The following DNAJC13 variants were observed in gnomAD, a reference collection of about 807,000 sequenced individuals.
DNAJC13 encodes the protein DnaJ heat shock protein family (Hsp40) member C13.
Under a neutral mutation model 290.5 loss-of-function variants are expected in DNAJC13, and 75 were observed. That is an observed-to-expected ratio of 0.26 (90% confidence interval 0.21 to 0.31). The LOEUF (loss-of-function observed/expected upper bound fraction) is 0.31, where lower values mean the gene tolerates loss of function less well. Ranked by LOEUF, DNAJC13 falls within the 10% of genes least tolerant of loss-of-function variation. DNAJC13 has a pLI of 1.00. For missense variants in DNAJC13, 2,260 were observed against 2,674.5 expected (o/e 0.85, Z 3.42); for synonymous variants, 862 against 892.0 (o/e 0.97, Z 0.60).
At chr3:132,419,938 T>C (rs1349072298) in intron 1 of DNAJC13, among the ~76,000 whole-genome samples, 1 of 152,222 alleles carries the variant, frequency 6.6e-6, no homozygotes, top group Non-Finnish European at 1.5e-5. Flanking sequence ...TACCTCTGGC[T>C]TTGGCCCTGA....
At chr3:132,419,524 G>A (rs115451722) in intron 1 of DNAJC13, among the ~76,000 whole-genome samples, 1,778 of 152,296 alleles carry the variant, frequency 0.012, 28 homozygotes, top group African/African-American at 0.041. Context: ...TTAAAAGGTT[G>A]ATAGTGGAGT....
At chr3:132,486,293 T>C (rs1416008215) in intron 29 of DNAJC13, among the ~76,000 whole-genome samples, 1 of 151,846 alleles carries the variant, frequency 6.6e-6, no homozygotes, top group Non-Finnish European at 1.5e-5. Flanking sequence ...AAGAGAGGAA[T>C]TTTTTCTCCC....
chr3:132,492,636 G>C (rs1343873418), intron 33 of DNAJC13, 21 bp downstream of exon 33: 2 of 1,609,658 alleles, frequency 1.2e-6, no homozygotes, highest in Admixed American at 3.3e-5. Flanking sequence ...AGTTTAATTT[G>C]TGCCACCTTA....
Position 132,534,802 on chromosome 3 carries a change from T to G in DNAJC13, c.6626-3374T>G, listed in dbSNP as rs561521285. On this transcript the variant is annotated intron_variant, in intron 55 of 55. Transcript: ENST00000260818. ...AAATTAAGAGATAAATTAGGTAAATTTACTGCCAGTTGGATTGATGTGTGC... is the reference window on the plus strand; with the variant it reads ...AAATTAAGAGATAAATTAGGTAAATGTACTGCCAGTTGGATTGATGTGTGC... Among the ~76,000 whole-genome samples the G allele has an allele frequency of 3.9e-5, 6 of 152,318 alleles. No homozygotes were observed. The East Asian group carries it at 1.2e-3, about 29-fold the overall frequency.
At chr3:132,524,021 G>A (rs1376422006) in intron 51 of DNAJC13, 1 of 224,604 alleles carries the variant, frequency 4.5e-6, no homozygotes, top group Non-Finnish European at 8.7e-6. Context: ...GTAATTTTAA[G>A]GAGAAACCTG....
At chr3:132,448,170 C>G (rs1011041247) in intron 5 of DNAJC13, among the ~76,000 whole-genome samples, 1 of 152,040 alleles carries the variant, frequency 6.6e-6, no homozygotes, top group Non-Finnish European at 1.5e-5. Context: ...GGCAAAAAAA[C>G]CTTTGGAGCA....
At chr3:132,482,760 G>A (rs1053996448) in intron 27 of DNAJC13, among the ~76,000 whole-genome samples, 5 of 151,942 alleles carry the variant, frequency 3.3e-5, no homozygotes, top group African/African-American at 7.3e-5. Flanking sequence ...TTGAGAGGCT[G>A]AGGTGGGAGG....
Position 132,447,331 on chromosome 3 carries a change from G to C in DNAJC13, c.155G>C (p.Gly52Ala), listed in dbSNP as rs778749092. ...TTTTTTTTTTTTAAGTGGCCTTATGGAGACATTTGCAGCATCAGCCCTGTT... is the reference window on the plus strand; with the variant it reads ...TTTTTTTTTTTTAAGTGGCCTTATGCAGACATTTGCAGCATCAGCCCTGTT... ...TLEVTNQWPY[G>A]DICSISPVGK... Residue 52 changes from glycine (G) to alanine (A), a missense_variant, in exon 4 of 56, where the codon GGA becomes GCA. Physicochemically the swap from Gly to Ala is moderately conservative, Grantham distance 60 (BLOSUM62 0). This residue lies in a region of DNAJC13 where 762 missense variants were observed against 964.1 expected (regional missense o/e 0.79). Coordinates refer to ENST00000260818, the MANE Select transcript of DNAJC13 (RefSeq NM_015268.4). 1.3e-6 allele frequency: 2 copies of C among 1,571,036 alleles called. No homozygotes were observed. Among genetic ancestry groups the C allele is most frequent in the Non-Finnish European group, 1.7e-6 (2 of 1,165,734 alleles).
intron 40 of DNAJC13, among the ~76,000 whole-genome samples, chr3:132,502,767 C>A (rs1203355797): frequency 6.6e-6 from 1 of 152,156 alleles, no homozygotes; most frequent in East Asian, 1.9e-4. Context: ...TAACACAGGA[C>A]AATATAATGT....
chr3:132,447,337 T>C lies in DNAJC13; in HGVS notation c.161T>C (p.Ile54Thr), dbSNP rs1233093512. 6.3e-7 allele frequency: 1 copy of C among 1,580,650 alleles called. No homozygotes were observed. The highest frequency in any genetic ancestry group is 8.6e-7 in the Non-Finnish European group (1 of 1,169,132). ...EVTNQWPYGD[I>T]CSISPVGKGQ... Reference sequence around the variant, plus strand: ...TTTTTTAAGTGGCCTTATGGAGACATTTGCAGCATCAGCCCTGTTGGAAAA... The same window carrying C: ...TTTTTTAAGTGGCCTTATGGAGACACTTGCAGCATCAGCCCTGTTGGAAAA... Residue 54 changes from isoleucine to threonine, a missense_variant, in exon 4 of 56, where the codon ATT (isoleucine) becomes ACT (threonine). Ile to Thr is a moderately conservative substitution (Grantham distance 89). Transcript: ENST00000260818.
intron 22 of DNAJC13, 144 bp from the exon 23 acceptor site, chr3:132,477,645 C>T (rs1304166154): frequency 8.4e-6 from 5 of 593,876 alleles, no homozygotes; most frequent in South Asian, 6.7e-5. Context: ...CAGCATTTAG[C>T]TAAAATAGTC....
intron 31 of DNAJC13, 126 bp downstream of exon 31, chr3:132,489,147 G>A: frequency 3.0e-6 from 2 of 663,838 alleles, no homozygotes; most frequent in Non-Finnish European, 2.5e-6. Flanking sequence ...GTTTTATTCT[G>A]TTCTTACATT....
intron 2 of DNAJC13, among the ~76,000 whole-genome samples, chr3:132,440,134 G>A (rs1933008158): frequency 6.6e-6 from 1 of 152,196 alleles, no homozygotes; most frequent in Non-Finnish European, 1.5e-5. Flanking sequence ...GCGCAGGCCT[G>A]TAGTTCCAGC....
At position 132,464,169 on chromosome 3, in the gene DNAJC13, C is replaced by A. The variant is rs143055683; in HGVS notation, c.1892+352C>A. 2.0e-5 allele frequency among the ~76,000 whole-genome samples: 3 copies of A among 152,260 alleles called. No homozygotes were observed. In the East Asian group the frequency reaches 5.8e-4, roughly 29 times the overall value. ...TGTGACCATCTTGCATGCACATGAC[C>A]CCATGGGAAAACCTCACATAGTTGA... On this transcript the variant is annotated intron_variant, in intron 17 of 55. Transcript: ENST00000260818.
chr3:132,432,722 T>C (rs1243493654), intron 1 of DNAJC13, among the ~76,000 whole-genome samples: 1 of 152,216 alleles, frequency 6.6e-6, no homozygotes, highest in Non-Finnish European at 1.5e-5. Context: ...GGATTCTGGA[T>C]TTTATATACT....
chr3:132,432,165 G>A (rs1251128184), intron 1 of DNAJC13, among the ~76,000 whole-genome samples: 23 of 151,976 alleles, frequency 1.5e-4, no homozygotes, highest in Non-Finnish European at 5.9e-5. Context: ...GCACTTTGGT[G>A]TATTTTCTAC....
chr3:132,435,737 T>A (rs527977167), intron 2 of DNAJC13, among the ~76,000 whole-genome samples: 41 of 152,296 alleles, frequency 2.7e-4, no homozygotes, highest in African/African-American at 9.9e-4. Context: ...TAGAAAAGTA[T>A]ATCTTTAAAT....
In DNAJC13 at chr3:132,498,619, A is replaced by T. The variant is rs183512363; in HGVS notation, c.4157-507A>T. 3.4e-4 allele frequency among the ~76,000 whole-genome samples: 52 copies of T among 152,326 alleles called. 1 individual carries two copies. The highest frequency in any genetic ancestry group is 1.2e-3 in the African/African-American group (50 of 41,580). On this transcript the variant is annotated intron_variant, in intron 36 of 55. Transcript: ENST00000260818. ...AGAAAGGAAGGATCCAAGGGATTTTATAGTAGGTTTAATTTCTTTTTTTAT... is the reference window on the plus strand; with the variant it reads ...AGAAAGGAAGGATCCAAGGGATTTTTTAGTAGGTTTAATTTCTTTTTTTAT...
intron 2 of DNAJC13, among the ~76,000 whole-genome samples, chr3:132,444,452 G>A (rs530864729): frequency 6.6e-6 from 1 of 152,352 alleles, no homozygotes; most frequent in Non-Finnish European, 1.5e-5. Context: ...GTGTGGTGGT[G>A]AAGATTGGTG....
Sources: allele counts gnomAD v4.1 joint callset (sites outside exome capture counted in the v4.1 genomes callset), GRCh38; gene constraint gnomAD v4.1.1; regional missense constraint gnomAD v4.1.1; transcripts MANE v1.5; gene names NCBI Gene and HGNC (gene_info 2026-07-23, HGNC 2026-07-21).